MEGF8: variants seen among roughly 807,000 people sequenced by gnomAD.
MEGF8 encodes multiple EGF like domains 8.
Under a neutral mutation model 302.9 loss-of-function variants are expected in MEGF8, and 156 were observed. That is an observed-to-expected ratio of 0.52 (90% CI 0.45 to 0.59). The LOEUF is 0.59. Among genes scored for constraint, MEGF8 ranks in the 20% least tolerant of loss-of-function variants. The pLI, the probability that MEGF8 is intolerant of heterozygous loss-of-function variation, is 0.00. For missense variants in MEGF8, 3,345 were observed against 3,964.5 expected (o/e 0.84, Z 4.20); for synonymous variants, 1,621 against 1,660.5 (o/e 0.98, Z 0.58).
intron 35 of MEGF8, among the ~76,000 whole-genome samples, chr19:42,363,783 G>A (rs2039566695): frequency 6.6e-6 from 1 of 152,110 alleles, no homozygotes; most frequent in African/African-American, 2.4e-5. Context: ...TGGACTCTGA[G>A]AGCAGGAAGT....
rs1053240710 is a variant in MEGF8 at position 42,336,618 on chromosome 19, C to G, written c.1245-189C>G. On this transcript the variant is annotated intron_variant, in intron 6 of 41. Coordinates refer to ENST00000251268, the MANE Select transcript of MEGF8 (RefSeq NM_001271938.2). The surrounding 1 kb of genome is among the most constrained non-coding windows in gnomAD (Gnocchi z 4.8). The stretch of plus-strand genomic sequence containing the variant: ...ACAGAGCCCTGCTTGGTGTCCAGCC[C>G]TTGCTAGCTTATGCAGGTAACTCAG... Among the ~76,000 whole-genome samples, 3 of 152,218 alleles carry G rather than the reference C, an allele frequency of 2.0e-5. No individual in the cohort carries two copies. The highest frequency in any genetic ancestry group is 6.5e-5 in the Admixed American group (1 of 15,280).
intron 1 of MEGF8, among the ~76,000 whole-genome samples, chr19:42,328,858 A>C (rs906272996): frequency 2.6e-5 from 4 of 152,120 alleles, no homozygotes; most frequent in African/African-American, 9.7e-5. Flanking sequence ...CTCAAAAAAA[A>C]AGAAAAAACG....
At chr19:42,337,722 G>T (rs1365150369) in intron 8 of MEGF8, among the ~76,000 whole-genome samples, 3 of 151,910 alleles carry the variant, frequency 2.0e-5, no homozygotes. Flanking sequence ...TAGCCAGGGT[G>T]GTCTCGATTT....
At chr19:42,350,850 C>T (rs1029873973) in intron 15 of MEGF8, among the ~76,000 whole-genome samples, 7 of 152,132 alleles carry the variant, frequency 4.6e-5, no homozygotes, top group African/African-American at 1.7e-4. Flanking sequence ...TCCAGGAGCT[C>T]AACAGAAGTC....
intron 3 of MEGF8, 147 bp from the exon 4 acceptor site, chr19:42,334,888 C>T: frequency 3.9e-6 from 3 of 765,252 alleles, no homozygotes; most frequent in Non-Finnish European, 6.0e-6. Context: ...TTTCCTTTTC[C>T]ATCCTCTCCC....
In MEGF8 at chr19:42,357,605, G is replaced by A; in HGVS notation, c.5011+21G>A. On this transcript the variant is annotated intron_variant, in intron 28 of 41. Transcript: ENST00000251268. This position sits in a 1 kb window ranked among gnomAD's most constrained non-coding sequence, Gnocchi z 5.2. The stretch of plus-strand genomic sequence containing the variant: ...CACAGGTGGGGCTGGGGACCGGGAG[G>A]GGACAGCCCCCGTGGACCTCCCGGG... 6.4e-7 allele frequency: 1 copy of A among 1,568,988 alleles called. No individual in the cohort carries two copies. The highest frequency in any genetic ancestry group is 2.4e-5 in the East Asian group (1 of 42,262).
intron 13 of MEGF8, among the ~76,000 whole-genome samples, chr19:42,349,030 A>C (rs1467402512): frequency 6.6e-6 from 1 of 152,158 alleles, no homozygotes; most frequent in Non-Finnish European, 1.5e-5. Context: ...CTGGGCATGG[A>C]GGTGTACACC....
chr19:42,353,931 C>G lies in MEGF8; in HGVS notation c.3918C>G (p.Val1306=). 6.3e-7 allele frequency: 1 copy of G among 1,587,942 alleles called. No individual in the cohort carries two copies. The highest frequency in any genetic ancestry group is 2.3e-5 in the East Asian group (1 of 43,318). Residue 1306 remains valine (V), a synonymous_variant, in exon 22 of 42, where the codon GTC becomes GTG. Transcript: ENST00000251268. This position sits in a 1 kb window ranked among gnomAD's most constrained non-coding sequence, Gnocchi z 6.1. The part of the protein sequence containing the change: ...GPGLSYCVWV[V]SATEELQPCA... ...GCCTGTCCTACTGTGTGTGGGTTGT[C>G]TCGGCCACTGAGGAGCTACAGCCCT...
Position 42,358,456 on chromosome 19 carries a change from G to A in MEGF8, c.5175+149G>A, listed in dbSNP as rs1254802919. The A allele has an allele frequency of 1.8e-5, 19 of 1,083,150 alleles. No individual in the cohort carries two copies. The highest frequency in any genetic ancestry group is 6.8e-5 in the South Asian group (4 of 59,066). 67.1% of individuals were successfully genotyped at this position (1,083,150 alleles called of 1,614,324 possible). A position where few individuals can be genotyped will look rare whatever the true frequency, so the allele number is the denominator to read the frequency against. ...TAAGCGACACCCCCACATCTCCCCCGCTTCCATCCCTGATTTGGAGGAGAG... is the reference window on the plus strand; with the variant it reads ...TAAGCGACACCCCCACATCTCCCCCACTTCCATCCCTGATTTGGAGGAGAG... On this transcript the variant is annotated intron_variant, in intron 29 of 41. Coordinates refer to ENST00000251268, the MANE Select transcript of MEGF8 (RefSeq NM_001271938.2). The surrounding 1 kb of genome is among the most constrained non-coding windows in gnomAD (Gnocchi z 4.4).
At position 42,360,894 on chromosome 19, in the gene MEGF8, C is replaced by G. The variant is rs2039521926; in HGVS notation, c.5608C>G (p.Leu1870Val). 6.2e-7 allele frequency: 1 copy of G among 1,613,376 alleles called. No individual in the cohort carries two copies. The highest frequency in any genetic ancestry group is 2.2e-5 in the East Asian group (1 of 44,902). Reference sequence around the variant, plus strand: ...AGTGGCCCTGGGCCGCCTGCTGGCACTGACCCTGCCCCCTGACCCCTGCCG... The same window carrying G: ...AGTGGCCCTGGGCCGCCTGCTGGCAGTGACCCTGCCCCCTGACCCCTGCCG... ...GGVALGRLLA[L>V]TLPPDPCRLL... The change falls in exon 32 of 42, where the codon CTG (leucine) becomes GTG (valine). Residue 1870 changes from leucine (L) to valine (V), a missense_variant. Coordinates refer to ENST00000251268, the MANE Select transcript of MEGF8 (RefSeq NM_001271938.2).
chr19:42,327,431 C>G (rs986512447), intron 1 of MEGF8, among the ~76,000 whole-genome samples: 1 of 152,096 alleles, frequency 6.6e-6, no homozygotes, highest in Non-Finnish European at 1.5e-5. Context: ...GATCTGGGGC[C>G]GGGGAGAACA....
chr19:42,362,737 AG>A, intron 34 of MEGF8, 140 bp downstream of exon 34: 1 of 924,372 alleles, frequency 1.1e-6, no homozygotes, highest in Non-Finnish European at 1.6e-6. Flanking sequence ...CTGAGGGAGA[AG>A]GGGCTGGGCC....
Position 42,356,115 on chromosome 19 carries a change from CG to C in MEGF8, c.4430del (p.Gly1477AlafsTer68). On this transcript the variant is annotated frameshift_variant, in exon 25 of 42. Coordinates refer to ENST00000251268, the MANE Select transcript of MEGF8 (RefSeq NM_001271938.2). LOFTEE classifies it high-confidence loss of function. The surrounding 1 kb of genome is among the most constrained non-coding windows in gnomAD (Gnocchi z 5.2). ...GTGTGTGCATCTGTGCCGAGGGCTT[CG>C]GGGGCCCCGACTGCGCCACCAAGCT... ...LGVCICAEGF[G>X]GPDCATKLDG... 5 of 1,584,868 alleles carry C rather than the reference CG, an allele frequency of 3.2e-6. No individual in the cohort carries two copies. The highest frequency in any genetic ancestry group is 1.8e-5 in the Admixed American group (1 of 57,132).
At position 42,326,117 on chromosome 19, in the gene MEGF8, C is replaced by G. The variant is rs184902062; in HGVS notation, c.-127C>G. 2 of 1,352,320 alleles carry G rather than the reference C, an allele frequency of 1.5e-6. No homozygotes were observed. Among genetic ancestry groups the G allele is most frequent in the South Asian group, 3.9e-5 (2 of 50,864 alleles). The allele number at this position is 1,352,320 out of a possible 1,614,324, so 83.8% of individuals were successfully genotyped here. Reference sequence around the variant, plus strand: ...GCCGGGACTGCCGGGTCTCCGGGACCTCTTCGATCTACAAGGTCATGTTAT... The same window carrying G: ...GCCGGGACTGCCGGGTCTCCGGGACGTCTTCGATCTACAAGGTCATGTTAT... On this transcript the variant is annotated 5_prime_UTR_variant, in exon 1 of 42. Transcript: ENST00000251268.
At chr19:42,335,579 G>C (rs968269715) in intron 5 of MEGF8, among the ~76,000 whole-genome samples, 194 bp downstream of exon 5, 2 of 151,898 alleles carry the variant, frequency 1.3e-5, no homozygotes. Flanking sequence ...CTGCCTTTGT[G>C]CATCTTATTT....
At chr19:42,360,025 A>T (rs920463345) in intron 31 of MEGF8, among the ~76,000 whole-genome samples, 1 of 151,570 alleles carries the variant, frequency 6.6e-6, no homozygotes, top group African/African-American at 2.4e-5. Flanking sequence ...AGACTACTTC[A>T]TGTCTGTGTC....
chr19:42,328,272 A>T (rs560503996), intron 1 of MEGF8, among the ~76,000 whole-genome samples: 1 of 152,160 alleles, frequency 6.6e-6, no homozygotes, highest in East Asian at 1.9e-4. Context: ...AGTGGATGTA[A>T]AAGCTGGCCT....
chr19:42,347,817 C>G (rs1038886247), intron 12 of MEGF8, among the ~76,000 whole-genome samples: 8 of 151,868 alleles, frequency 5.3e-5, no homozygotes, highest in African/African-American at 1.7e-4. Flanking sequence ...ATTCCATTTA[C>G]ATTTGTAGTT....
At chr19:42,349,150 A>C (rs1032593229) in intron 13 of MEGF8, among the ~76,000 whole-genome samples, 1 of 152,100 alleles carries the variant, frequency 6.6e-6, no homozygotes, top group African/African-American at 2.4e-5. Context: ...AAATACAAAA[A>C]TTAGCTGGCC....
Sources: allele counts gnomAD v4.1 joint callset (sites outside exome capture counted in the v4.1 genomes callset), GRCh38; gene constraint gnomAD v4.1.1; non-coding constraint Gnocchi (gnomAD v3.1); transcripts MANE v1.5; gene names NCBI Gene and HGNC (gene_info 2026-07-23, HGNC 2026-07-21).